CHD7: variants seen among roughly 807,000 people sequenced by gnomAD.
The protein encoded by CHD7 is chromodomain helicase DNA binding protein 7.
Under a neutral mutation model 307.3 loss-of-function variants are expected in CHD7, and 24 were observed. The observed-to-expected ratio is 0.08, with a 90% CI of 0.06 to 0.11. The LOEUF (loss-of-function observed/expected upper bound fraction) is 0.11. CHD7 is among the 10% of genes least tolerant of loss of function. CHD7 has a pLI of 1.00. For synonymous variants in CHD7, 1,363 were observed against 1,349.9 expected (o/e 1.01, Z -0.21); for missense variants, 3,106 against 3,727.1 (o/e 0.83, Z 4.34).
chr8:60,854,642 C>T, intron 32 of CHD7, 119 bp downstream of exon 32: 1 of 827,810 alleles, frequency 1.2e-6, no homozygotes, highest in East Asian at 2.8e-5. Flanking sequence ...TATATGAAGA[C>T]TATAGATTTT....
At chr8:60,795,395 G>GTA (rs1401189476) in intron 4 of CHD7, among the ~76,000 whole-genome samples, 1 of 152,088 alleles carries the variant, frequency 6.6e-6, no homozygotes, top group Non-Finnish European at 1.5e-5. Context: ...TTCTGTAAAT[G>GTA]TATATTTTGC....
intron 2 of CHD7, among the ~76,000 whole-genome samples, chr8:60,757,590 T>G (rs1809959479): frequency 6.6e-6 from 1 of 152,198 alleles, no homozygotes; most frequent in South Asian, 2.1e-4. Context: ...CCCAGAGGTT[T>G]TTATACTCCA....
At chr8:60,824,041 A>C (rs1461490915) in intron 13 of CHD7, 25 bp downstream of exon 13, 3 of 1,598,758 alleles carry the variant, frequency 1.9e-6, no homozygotes, top group Non-Finnish European at 2.6e-6. Flanking sequence ...TGGTGATTGC[A>C]CTGAACCTGA....
Position 60,865,489 on chromosome 8 carries a change from T to C in CHD7, c.8550T>C (p.Asn2850=), listed in dbSNP as rs199565939. The change falls in exon 38 of 38, where the codon AAT becomes AAC. Residue 2850 remains asparagine (N), a synonymous_variant. Coordinates refer to ENST00000423902, the MANE Select transcript of CHD7 (RefSeq NM_017780.4). The surrounding 1 kb of genome is among the most constrained non-coding windows in gnomAD (Gnocchi z 4.3). ...TSKGEEKGNE[N]EDENKDSEKS... ...AAGGAGAGGAGAAAGGAAATGAGAA[T>C]GAAGACGAGAACAAAGACTCTGAGA... is the stretch of plus-strand genomic sequence containing the variant. 73 of 1,614,030 alleles carry C rather than the reference T, an allele frequency of 4.5e-5. No homozygotes were observed. Among genetic ancestry groups the C allele is most frequent in the East Asian group, 4.5e-5 (2 of 44,884 alleles).
intron 2 of CHD7, among the ~76,000 whole-genome samples, chr8:60,748,542 C>G (rs1809448558): frequency 6.6e-6 from 1 of 152,158 alleles, no homozygotes; most frequent in Non-Finnish European, 1.5e-5. Context: ...AAAGGTTTAT[C>G]AGTACACTGT....
intron 1 of CHD7, among the ~76,000 whole-genome samples, chr8:60,710,135 G>A (rs1207413926): frequency 1.3e-5 from 2 of 151,988 alleles, no homozygotes; most frequent in Admixed American, 6.5e-5. Context: ...AACAGTGGGA[G>A]GAGGCAGTGG....
intron 19 of CHD7, among the ~76,000 whole-genome samples, chr8:60,840,538 T>C (rs576418834): frequency 3.9e-4 from 60 of 152,224 alleles, no homozygotes; most frequent in Non-Finnish European, 7.2e-4. Context: ...TATCTCACTA[T>C]GTTGCCCAGG....
intron 1 of CHD7, among the ~76,000 whole-genome samples, chr8:60,717,315 T>G (rs1807659752): frequency 6.6e-6 from 1 of 152,238 alleles, no homozygotes; most frequent in Non-Finnish European, 1.5e-5. Context: ...GAGTAAACAC[T>G]TTGGTTATTA....
chr8:60,699,399 T>C (rs1313626478), intron 1 of CHD7, among the ~76,000 whole-genome samples: 1 of 152,242 alleles, frequency 6.6e-6, no homozygotes, highest in African/African-American at 2.4e-5. Flanking sequence ...CAACAAATTA[T>C]GTGATCATCC....
intron 21 of CHD7, among the ~76,000 whole-genome samples, chr8:60,842,395 A>G (rs936964490): frequency 6.6e-6 from 1 of 152,252 alleles, no homozygotes; most frequent in African/African-American, 2.4e-5. Context: ...CATAAAATTT[A>G]TGACTGTCGT....
At chr8:60,834,005 A>G (rs75058005) in intron 15 of CHD7, among the ~76,000 whole-genome samples, 25 of 152,368 alleles carry the variant, frequency 1.6e-4, no homozygotes, top group Admixed American at 2.0e-4. Context: ...ACCTGAATTC[A>G]TAACAGAGAG....
In CHD7 at chr8:60,745,294, AG is replaced by A. The variant is rs1295515553; in HGVS notation, c.1665+2200del. ...TTCCGACATCCTCTGTCTTCACCGG[AG>A]GGTGAGCACAGTTTGGAAGACACCC... On this transcript the variant is annotated intron_variant, in intron 2 of 37. Coordinates refer to ENST00000423902, the MANE Select transcript of CHD7 (RefSeq NM_017780.4). Among the ~76,000 whole-genome samples the A allele has an allele frequency of 2.0e-5, 3 of 152,314 alleles. No individual in the cohort carries two copies. The East Asian group carries it at 5.8e-4, about 29-fold the overall frequency.
At position 60,798,647 on chromosome 8, in the gene CHD7, C is replaced by A. The variant is rs937677278; in HGVS notation, c.2239-1741C>A. On this transcript the variant is annotated intron_variant, in intron 4 of 37. Transcript: ENST00000423902. Reference sequence around the variant, plus strand: ...GCCTCTCTCTGCCTTACTTTCTCAACTTTAACATTCTTGAGACTCTTTAAA... The same window carrying A: ...GCCTCTCTCTGCCTTACTTTCTCAAATTTAACATTCTTGAGACTCTTTAAA... Among the ~76,000 whole-genome samples, 3 of 152,150 alleles carry A rather than the reference C, an allele frequency of 2.0e-5. No individual in the cohort carries two copies. In the South Asian group the frequency reaches 6.2e-4, roughly 32 times the overall value.
chr8:60,808,467 G>A (rs1812640000), intron 7 of CHD7, among the ~76,000 whole-genome samples, 195 bp downstream of exon 7: 1 of 152,202 alleles, frequency 6.6e-6, no homozygotes, highest in African/African-American at 2.4e-5. Flanking sequence ...TGTAATTGGT[G>A]TAAAAGTTGA....
intron 34 of CHD7, among the ~76,000 whole-genome samples, chr8:60,857,529 C>A (rs777578487): frequency 1.3e-5 from 2 of 152,196 alleles, no homozygotes; most frequent in Non-Finnish European, 2.9e-5. Flanking sequence ...AGAATTTTAT[C>A]CCAAAGAGCA....
intron 1 of CHD7, among the ~76,000 whole-genome samples, chr8:60,714,502 G>T (rs1420868223): frequency 6.8e-6 from 1 of 148,006 alleles, no homozygotes; most frequent in African/African-American, 2.5e-5. Context: ...GCCATCTCGC[G>T]CCCGTGCGCA....
At chr8:60,753,687 C>T (rs1037901771) in intron 2 of CHD7, among the ~76,000 whole-genome samples, 2 of 151,316 alleles carry the variant, frequency 1.3e-5, no homozygotes, top group Non-Finnish European at 3.0e-5. Flanking sequence ...TGCAGTGGTG[C>T]GATCTTGGCT....
At chr8:60,792,641 A>G (rs1330949939) in intron 3 of CHD7, among the ~76,000 whole-genome samples, 1 of 152,202 alleles carries the variant, frequency 6.6e-6, no homozygotes, top group African/African-American at 2.4e-5. Context: ...GGCAGATGGA[A>G]AATCATTAGC....
At chr8:60,812,588 C>T (rs935924831) in intron 7 of CHD7, among the ~76,000 whole-genome samples, 22 of 147,320 alleles carry the variant, frequency 1.5e-4, no homozygotes, top group African/African-American at 4.1e-4. Flanking sequence ...CGCTTGAACC[C>T]GGGAGGCAGA....
Sources: gnomAD v4.1 joint callset for allele counts (sites outside exome capture counted in the v4.1 genomes callset) on GRCh38, gnomAD v4.1.1 for gene constraint, Gnocchi (gnomAD v3.1) non-coding constraint, MANE v1.5 for transcripts, NCBI Gene and HGNC (gene_info 2026-07-23, HGNC 2026-07-21) for gene names.